The following NINJ1 variants were observed in gnomAD, a reference collection of about 807,000 sequenced individuals.
NINJ1 encodes the protein ninjurin-1.
A neutral mutation model predicts 12.7 loss-of-function variants in NINJ1; 6 were observed. The observed-to-expected ratio is 0.47, with a 90% CI of 0.26 to 0.93. The LOEUF (loss-of-function observed/expected upper bound fraction) is 0.93, where lower values mean the gene tolerates loss of function less well. Among genes scored for constraint, NINJ1 ranks in the 40% least tolerant of loss-of-function variants. The pLI, the probability that NINJ1 is intolerant of heterozygous loss-of-function variation, is 0.15. For synonymous variants in NINJ1, 100 were observed against 96.0 expected (o/e 1.04, Z -0.25); for missense variants, 170 against 213.0 (o/e 0.80, Z 1.26).
At chr9:93,130,537 C>T (rs1282430199) in intron 1 of NINJ1, among the ~76,000 whole-genome samples, 4 of 152,216 alleles carry the variant, frequency 2.6e-5, no homozygotes, top group Middle Eastern at 3.2e-3. Context: ...GGGCTGGAAG[C>T]TGCCACAGCA....
At chr9:93,131,654 A>G (rs1448841813) in intron 1 of NINJ1, 1 of 152,236 alleles carries the variant, frequency 6.6e-6, no homozygotes, top group Non-Finnish European at 1.5e-5. Flanking sequence ...CCATTTTCAC[A>G]TTAACATTGT....
chr9:93,123,128 G>C (rs1343555189), intron 3 of NINJ1, among the ~76,000 whole-genome samples: 1 of 152,224 alleles, frequency 6.6e-6, no homozygotes, highest in Non-Finnish European at 1.5e-5. Flanking sequence ...AATGGCCTTG[G>C]GTGTGGTAGG....
intron 1 of NINJ1, among the ~76,000 whole-genome samples, chr9:93,127,153 C>A (rs1457411726): frequency 1.3e-5 from 2 of 152,202 alleles, no homozygotes; most frequent in Non-Finnish European, 2.9e-5. Flanking sequence ...AGCCTTGGGG[C>A]CCAACAGGCC....
chr9:93,128,230 C>A (rs1353441707), intron 1 of NINJ1, among the ~76,000 whole-genome samples: 1 of 152,198 alleles, frequency 6.6e-6, no homozygotes, highest in Non-Finnish European at 1.5e-5. Flanking sequence ...TCCATGCATA[C>A]CCCGAAGCCT....
chr9:93,127,931 C>T (rs547510226), intron 1 of NINJ1, among the ~76,000 whole-genome samples: 24 of 152,366 alleles, frequency 1.6e-4, no homozygotes, highest in African/African-American at 4.6e-4. Flanking sequence ...GAAAAATACA[C>T]GAGGCAGCCA....
Position 93,126,519 on chromosome 9 carries a change from C to T in NINJ1, c.195G>A (p.Lys65=), listed in dbSNP as rs770810135. 3.1e-6 allele frequency: 5 copies of T among 1,614,076 alleles called. No homozygotes were observed. In the Admixed American group the frequency reaches 5.0e-5, roughly 16 times the overall value. The change falls in exon 2 of 4, where the codon AAG becomes AAA. Residue 65 remains lysine (K), a synonymous_variant. Coordinates refer to ENST00000375446, the MANE Select transcript of NINJ1 (RefSeq NM_004148.4). ...AGCTGGGGCCCTGTTCCACGACGGC[C>T]TTCAGCTGGGACGCGTTGGCCATCA... The part of the protein sequence containing the change: ...ALLMANASQL[K]AVVEQGPSFA...
chr9:93,126,039 A>G lies in NINJ1; in HGVS notation c.304+371T>C, dbSNP rs1827805384. On this transcript the variant is annotated intron_variant, in intron 2 of 3. Coordinates refer to ENST00000375446, the MANE Select transcript of NINJ1 (RefSeq NM_004148.4). ...TGGCGTAACCTCATCTCTACAAAAA[A>G]TACAAAAATTAGCCGGGCATGGTGA... 4 of 240,268 alleles carry G rather than the reference A, an allele frequency of 1.7e-5. No individual in the cohort carries two copies. The South Asian group carries it at 2.8e-4, about 17-fold the overall frequency. 14.9% of individuals were successfully genotyped at this position (240,268 alleles called of 1,614,324 possible). A position where few individuals can be genotyped will look rare whatever the true frequency, so the allele number is the denominator to read the frequency against.
intron 1 of NINJ1, 42 bp downstream of exon 1, chr9:93,134,101 A>G: frequency 6.9e-7 from 1 of 1,454,314 alleles, no homozygotes; most frequent in Non-Finnish European, 9.3e-7. Context: ...CCGAAAGGAC[A>G]GGGCCTGGCA....
intron 1 of NINJ1, 133 bp downstream of exon 1, chr9:93,134,010 G>T: frequency 1.8e-6 from 1 of 559,328 alleles, no homozygotes. Flanking sequence ...GGGCGGGAAG[G>T]ACTTGGCCTA....
At chr9:93,130,446 G>A (rs1827876594) in intron 1 of NINJ1, among the ~76,000 whole-genome samples, 1 of 152,204 alleles carries the variant, frequency 6.6e-6, no homozygotes, top group Non-Finnish European at 1.5e-5. Context: ...GGCTTGGATG[G>A]GAGGAGACAG....
At chr9:93,125,084 A>G in intron 2 of NINJ1, 22 bp from the exon 3 acceptor site, 1 of 1,601,970 alleles carries the variant, frequency 6.2e-7, no homozygotes, top group East Asian at 2.2e-5. Context: ...AGAGGAGTGG[A>G]TGGTGCCAAG....
intron 2 of NINJ1, 91 bp downstream of exon 2, chr9:93,126,319 T>G (rs1827808185): frequency 9.0e-7 from 1 of 1,111,004 alleles, no homozygotes; most frequent in Admixed American, 2.3e-5. Flanking sequence ...GAGAGCCAAG[T>G]GTGCAAGGTG....
In NINJ1 at chr9:93,122,390, A is replaced by G. The variant is rs2398823; in HGVS notation, c.*10-160T>C. Among the ~76,000 whole-genome samples the G allele has an allele frequency of 5.8e-5, 7 of 120,248 alleles. No homozygotes were observed. The East Asian group carries it at 1.6e-3, about 27-fold the overall frequency. 78.9% of individuals were successfully genotyped at this position (120,248 alleles called of 152,430 possible). ...GAGGAGAGGGTCTGAGCCTGGAAGGAGGAAGAGGAGAGGGTCTGAGCCTGG... is the reference window on the plus strand; with the variant it reads ...GAGGAGAGGGTCTGAGCCTGGAAGGGGGAAGAGGAGAGGGTCTGAGCCTGG... On this transcript the variant is annotated intron_variant, in intron 3 of 3. Coordinates refer to ENST00000375446, the MANE Select transcript of NINJ1 (RefSeq NM_004148.4).
At chr9:93,134,051 C>G in intron 1 of NINJ1, 92 bp downstream of exon 1, 2 of 1,006,186 alleles carry the variant, frequency 2.0e-6, no homozygotes, top group Non-Finnish European at 2.8e-6. Context: ...CTCTGCAGTG[C>G]GGACGCGGCG....
At chr9:93,123,613 C>T (rs1305011544) in intron 3 of NINJ1, among the ~76,000 whole-genome samples, 1 of 152,144 alleles carries the variant, frequency 6.6e-6, no homozygotes, top group African/African-American at 2.4e-5. Flanking sequence ...CCTTGACACA[C>T]AGGCGCTCTG....
At chr9:93,131,247 T>C (rs922007084) in intron 1 of NINJ1, among the ~76,000 whole-genome samples, 1 of 152,360 alleles carries the variant, frequency 6.6e-6, no homozygotes, top group Middle Eastern at 3.4e-3. Context: ...CAGCAGGAAG[T>C]GCTGGAAGGC....
At chr9:93,125,265 G>A (rs1461289099) in intron 2 of NINJ1, 3 of 506,212 alleles carry the variant, frequency 5.9e-6, no homozygotes, top group Non-Finnish European at 1.0e-5. Context: ...CCCTGGCTTG[G>A]GCAACCCCAC....
At chr9:93,133,855 G>A (rs1827934511) in intron 1 of NINJ1, among the ~76,000 whole-genome samples, 1 of 152,166 alleles carries the variant, frequency 6.6e-6, no homozygotes, top group Admixed American at 6.5e-5. Flanking sequence ...GAGCTGCGCC[G>A]AGGCCCCCTC....
At chr9:93,125,241 A>T in intron 2 of NINJ1, 179 bp from the exon 3 acceptor site, 1 of 591,916 alleles carries the variant, frequency 1.7e-6, no homozygotes, top group Non-Finnish European at 2.8e-6. Flanking sequence ...TTGCTGAAAC[A>T]TGGACAACAG....
Sources: gnomAD v4.1 joint callset for allele counts (sites outside exome capture counted in the v4.1 genomes callset) on GRCh38, gnomAD v4.1.1 for gene constraint, MANE v1.5 for transcripts, NCBI Gene and HGNC (gene_info 2026-07-23, HGNC 2026-07-21) for gene names.